The following RBFOX1 variants were observed in gnomAD, a reference collection of about 807,000 sequenced individuals.
RBFOX1 encodes the protein RNA binding fox-1 homolog 1.
A neutral mutation model predicts 57.7 loss-of-function variants in RBFOX1; 8 were observed. The observed-to-expected ratio is 0.14, with a 90% CI of 0.08 to 0.25. The LOEUF (loss-of-function observed/expected upper bound fraction) is 0.25, where lower values mean the gene tolerates loss of function less well. Ranked by LOEUF, RBFOX1 falls within the 10% of genes least tolerant of loss-of-function variation. The pLI is 1.00. For synonymous variants in RBFOX1, 326 were observed against 222.4 expected, an observed-to-expected ratio of 1.47 and a Z score of -4.15; for missense variants, 611 against 548.5, an observed-to-expected ratio of 1.11 and a Z score of -1.14.
intron 3 of RBFOX1, among the ~76,000 whole-genome samples, chr16:5,665,819 G>A (rs1161803499): frequency 6.6e-6 from 1 of 152,212 alleles, no homozygotes; most frequent in Non-Finnish European, 1.5e-5. Context: ...CCCACGTGCT[G>A]CTGAGTGGGA....
At chr16:6,825,805 G>C (rs906188535) in intron 3 of RBFOX1, among the ~76,000 whole-genome samples, 1 of 152,166 alleles carries the variant, frequency 6.6e-6, no homozygotes, top group Non-Finnish European at 1.5e-5. Context: ...TGGAGACAGA[G>C]GCAGCGATCC....
At chr16:6,119,688 C>T (rs1994360) in intron 1 of RBFOX1, among the ~76,000 whole-genome samples, 58,611 of 151,912 alleles carry the variant, frequency 0.39, 11,844 homozygotes, top group Non-Finnish European at 0.45. Flanking sequence ...TTTTGTGGCT[C>T]AAATCATTCC....
chr16:5,838,348 TG>T, intron 3 of RBFOX1: 1 of 169,756 alleles, frequency 5.9e-6, no homozygotes, highest in Non-Finnish European at 1.4e-5. Context: ...AGCGAGCATG[TG>T]GAGGGATGCC....
At chr16:5,492,859 T>G (rs934475985) in intron 2 of RBFOX1, among the ~76,000 whole-genome samples, 2 of 152,242 alleles carry the variant, frequency 1.3e-5, no homozygotes, top group African/African-American at 4.8e-5. Flanking sequence ...TCTTACCTTC[T>G]AAGAGTGACC....
intron 14 of RBFOX1, among the ~76,000 whole-genome samples, chr16:7,692,673 T>G (rs1239909631): frequency 6.6e-6 from 1 of 152,192 alleles, no homozygotes; most frequent in Admixed American, 6.5e-5. Context: ...TGGAAACGTC[T>G]TAAGAGAGTT....
At chr16:7,462,738 G>A (rs2059804853) in intron 4 of RBFOX1, among the ~76,000 whole-genome samples, 1 of 152,202 alleles carries the variant, frequency 6.6e-6, no homozygotes, top group African/African-American at 2.4e-5. Flanking sequence ...AGCTTTGCTG[G>A]CTGTCAGCAG....
intron 2 of RBFOX1, among the ~76,000 whole-genome samples, chr16:6,486,613 G>A (rs1461271637): frequency 2.0e-5 from 3 of 146,562 alleles, no homozygotes; most frequent in Non-Finnish European, 3.0e-5. Context: ...ATTTTCTGAC[G>A]AACATAAAAA....
At chr16:7,356,183 G>T (rs886176416) in intron 4 of RBFOX1, among the ~76,000 whole-genome samples, 10 of 152,278 alleles carry the variant, frequency 6.6e-5, no homozygotes, top group Admixed American at 6.5e-4. Context: ...TTCCATGCTA[G>T]GCAGAGTTCT....
intron 4 of RBFOX1, among the ~76,000 whole-genome samples, chr16:7,246,690 C>T (rs768664669): frequency 8.4e-5 from 12 of 142,242 alleles, no homozygotes; most frequent in Admixed American, 1.5e-4. Context: ...CTTCCCTTTC[C>T]TCCTTGGTAA....
chr16:7,253,412 C>G (rs1011401470), intron 4 of RBFOX1, among the ~76,000 whole-genome samples: 2 of 152,160 alleles, frequency 1.3e-5, no homozygotes, highest in Non-Finnish European at 2.9e-5. Context: ...CTTGACAACC[C>G]CTCAACCTCT....
intron 3 of RBFOX1, among the ~76,000 whole-genome samples, chr16:6,797,332 G>A (rs760490713): frequency 6.6e-6 from 1 of 152,094 alleles, no homozygotes; most frequent in Non-Finnish European, 1.5e-5. Context: ...AATGAATGTG[G>A]GCAAAGGTGA....
At chr16:5,839,407 G>A (rs1244171645) in intron 3 of RBFOX1, among the ~76,000 whole-genome samples, 1 of 152,018 alleles carries the variant, frequency 6.6e-6, no homozygotes, top group East Asian at 1.9e-4. Context: ...AATTCCTTTA[G>A]CCCTCTCCAC....
chr16:7,137,183 C>G (rs1022702585), intron 4 of RBFOX1, among the ~76,000 whole-genome samples: 1 of 152,186 alleles, frequency 6.6e-6, no homozygotes, highest in East Asian at 1.9e-4. Flanking sequence ...AAAGTCTAAT[C>G]TTTACTGAGC....
intron 4 of RBFOX1, among the ~76,000 whole-genome samples, chr16:5,892,286 G>T (rs1011704656): frequency 6.6e-6 from 1 of 152,180 alleles, no homozygotes; most frequent in African/African-American, 2.4e-5. Flanking sequence ...CCTGATCTTG[G>T]TGATTGAGCA....
chr16:7,360,856 C>T (rs944584941), intron 4 of RBFOX1, among the ~76,000 whole-genome samples: 1 of 152,164 alleles, frequency 6.6e-6, no homozygotes, highest in South Asian at 2.1e-4. Context: ...AGAGATTTCC[C>T]AGGTCACCTT....
At chr16:6,669,481 T>G (rs1488730906) in intron 3 of RBFOX1, among the ~76,000 whole-genome samples, 3 of 152,186 alleles carry the variant, frequency 2.0e-5, no homozygotes, top group Admixed American at 6.5e-5. Flanking sequence ...TTTCTTTGTT[T>G]TTTTCCAGAG....
intron 2 of RBFOX1, among the ~76,000 whole-genome samples, chr16:6,563,233 G>C (rs145501345): frequency 3.3e-5 from 5 of 152,210 alleles, no homozygotes; most frequent in Non-Finnish European, 7.4e-5. Flanking sequence ...GACAATTTTA[G>C]CATCCTGTGC....
At chr16:6,681,782 C>T (rs551514065) in intron 3 of RBFOX1, among the ~76,000 whole-genome samples, 2 of 152,124 alleles carry the variant, frequency 1.3e-5, no homozygotes, top group African/African-American at 4.8e-5. Context: ...TCAGTTCTCA[C>T]GTCTGTAATG....
rs1567303964 is a variant in RBFOX1 at position 6,450,843 on chromosome 16, A to ATG, written c.-64+133787_-64+133788insGT. 1.5e-3 allele frequency among the ~76,000 whole-genome samples: 63 copies of ATG among 43,146 alleles called. 12 individuals are homozygous for ATG. Among genetic ancestry groups the ATG allele is most frequent in the African/African-American group, 5.8e-3 (53 of 9,098 alleles). The allele number at this position is 43,146 out of a possible 152,430, so 28.3% of individuals were successfully genotyped here. On this transcript the variant is annotated intron_variant, in intron 2 of 15. Transcript: ENST00000550418. ...CATATATATATATATATATGTGTATATATATATATATATATATATATATAT... is the reference window on the plus strand; with the variant it reads ...CATATATATATATATATATGTGTATATGTATATATATATATATATATATATAT...
Sources: gnomAD v4.1 joint callset for allele counts (sites outside exome capture counted in the v4.1 genomes callset) on GRCh38, gnomAD v4.1.1 for gene constraint, MANE v1.5 for transcripts, NCBI Gene and HGNC (gene_info 2026-07-23, HGNC 2026-07-21) for gene names.